The following IFRD1 variants were observed in gnomAD, a reference collection of about 807,000 sequenced individuals.
The protein encoded by IFRD1 is interferon-related developmental regulator 1.
IFRD1 carries 35 observed loss-of-function variants against 52.9 expected under a neutral mutation model. That is an observed-to-expected ratio of 0.66 (90% CI 0.51 to 0.88). IFRD1 has a LOEUF of 0.88. Ranked by LOEUF, IFRD1 falls within the 40% of genes least tolerant of loss-of-function variation. The probability of loss-of-function intolerance (pLI) is 0.00; values close to 1 mark genes in which losing one functional copy is unlikely to be tolerated. For missense variants in IFRD1, 517 were observed against 550.8 expected, an observed-to-expected ratio of 0.94 and a Z score of 0.61; for synonymous variants, 184 against 188.4, an observed-to-expected ratio of 0.98 and a Z score of 0.19.
chr7:112,435,621 GGTGTGTGTGTGTGTGT>G, intron 1 of IFRD1: 1 of 108,838 alleles, frequency 9.2e-6, no homozygotes, highest in East Asian at 2.9e-4. Flanking sequence ...ATCTGCTACA[GGTGTGTGTGTGTGTGT>G]GTGTGTGTGT....
rs764321257 is a variant in IFRD1, at chr7:112,462,318, G to A, written c.846G>A (p.Met282Ile). Residue 282 changes from methionine (M) to isoleucine (I), a missense_variant, in exon 8 of 12, where the codon ATG becomes ATA. Physicochemically the swap from Met to Ile is conservative, Grantham distance 10. Coordinates refer to ENST00000403825, the MANE Select transcript of IFRD1 (RefSeq NM_001550.4). ...PSLLSCDDVNMRIAAGESLAL... is the reference protein window; with the variant it reads ...PSLLSCDDVNIRIAAGESLAL... The stretch of plus-strand genomic sequence containing the variant: ...TCCTCTCTTGTGATGATGTAAACAT[G>A]AGAATAGCTGCTGGTGAATCTTTGG... 6 of 1,613,794 alleles carry A rather than the reference G, an allele frequency of 3.7e-6. No homozygotes were observed. Among genetic ancestry groups the A allele is most frequent in the Non-Finnish European group, 4.2e-6 (5 of 1,179,802 alleles).
intron 1 of IFRD1, among the ~76,000 whole-genome samples, chr7:112,428,334 G>A (rs1426429779): frequency 6.6e-6 from 1 of 152,186 alleles, no homozygotes; most frequent in Non-Finnish European, 1.5e-5. Context: ...CCCATAGATA[G>A]AGTATTCTGA....
At chr7:112,467,818 G>A in intron 8 of IFRD1, 163 bp from the exon 9 acceptor site, 1 of 692,612 alleles carries the variant, frequency 1.4e-6, no homozygotes, top group South Asian at 1.7e-5. Context: ...ATTTTTGCAT[G>A]AAAACATGTG....
At chr7:112,432,533 A>T (rs764590540) in intron 1 of IFRD1, among the ~76,000 whole-genome samples, 6 of 152,238 alleles carry the variant, frequency 3.9e-5, no homozygotes, top group Non-Finnish European at 7.3e-5. Context: ...ATCTTTTACA[A>T]CTTGGCTCAT....
intron 5 of IFRD1, among the ~76,000 whole-genome samples, chr7:112,459,359 C>T (rs1795374950): frequency 6.6e-6 from 1 of 152,160 alleles, no homozygotes; most frequent in South Asian, 2.1e-4. Context: ...CCTCTTGCAA[C>T]ACTTGACTTT....
At chr7:112,464,312 G>T (rs1269736909) in intron 8 of IFRD1, among the ~76,000 whole-genome samples, 2 of 152,066 alleles carry the variant, frequency 1.3e-5, no homozygotes, top group Non-Finnish European at 2.9e-5. Flanking sequence ...GGATTTTAAT[G>T]AATGAGTTGG....
intron 1 of IFRD1, among the ~76,000 whole-genome samples, chr7:112,443,063 G>C (rs746860157): frequency 7.9e-5 from 12 of 152,112 alleles, no homozygotes; most frequent in Non-Finnish European, 8.8e-5. Context: ...TGAAACCAAG[G>C]CATGGAAGAG....
At chr7:112,466,038 G>C (rs1795600627) in intron 8 of IFRD1, among the ~76,000 whole-genome samples, 1 of 151,958 alleles carries the variant, frequency 6.6e-6, no homozygotes, top group African/African-American at 2.4e-5. Context: ...TTCTGATCTA[G>C]GACTTTTGAC....
chr7:112,450,842 G>C lies in IFRD1; in HGVS notation c.94+60G>C, dbSNP rs141852718. 4.6e-5 allele frequency: 54 copies of C among 1,162,668 alleles called. No homozygotes were observed. In the East Asian group the frequency reaches 1.2e-3, roughly 25 times the overall value. 72.0% of individuals were successfully genotyped at this position (1,162,668 alleles called of 1,614,324 possible). The stretch of plus-strand genomic sequence containing the variant: ...CCGGCCAGGCTGGCGAGTCTTCCAT[G>C]CTTCGGCACGGTGGGAGTTGTAGTT... On this transcript the variant is annotated intron_variant, in intron 1 of 11. Coordinates refer to ENST00000403825, the MANE Select transcript of IFRD1 (RefSeq NM_001550.4).
chr7:112,427,023 G>A (rs1794443312), intron 1 of IFRD1, among the ~76,000 whole-genome samples: 1 of 152,092 alleles, frequency 6.6e-6, no homozygotes, highest in African/African-American at 2.4e-5. Flanking sequence ...CAATCACTTT[G>A]GGCACATGTC....
chr7:112,437,626 A>G (rs1002766362), intron 1 of IFRD1, among the ~76,000 whole-genome samples: 4 of 151,678 alleles, frequency 2.6e-5, no homozygotes, highest in African/African-American at 9.7e-5. Flanking sequence ...TGTACCTTTT[A>G]ATCACTAAGG....
chr7:112,466,443 G>T (rs1795610110), intron 8 of IFRD1, among the ~76,000 whole-genome samples: 1 of 152,072 alleles, frequency 6.6e-6, no homozygotes, highest in Non-Finnish European at 1.5e-5. Flanking sequence ...TTTTGGGCTG[G>T]ATTATATTTT....
intron 2 of IFRD1, 60 bp from the exon 3 acceptor site, chr7:112,455,942 A>G (rs1249773370): frequency 1.4e-6 from 2 of 1,433,812 alleles, no homozygotes; most frequent in East Asian, 2.3e-5. Context: ...GCTAAAGTAT[A>G]CTATTATTCC....
chr7:112,446,325 A>C, upstream of IFRD1: 1 of 214,712 alleles, frequency 4.7e-6, no homozygotes, highest in Admixed American at 4.3e-5. Flanking sequence ...ATTTCAGGAC[A>C]GCCAGCTTCA....
In IFRD1 at chr7:112,456,872, C is replaced by T. The variant is rs746476935; in HGVS notation, c.285-42C>T. On this transcript the variant is annotated intron_variant, in intron 3 of 11. Transcript: ENST00000403825. ...ATTTTAAAAAGTTATTTATTGTATA[C>T]TCCAACTGGATCTTCTTTCTCTTAC... 1.3e-5 allele frequency: 20 copies of T among 1,599,182 alleles called. No individual in the cohort carries two copies. The African/African-American group carries it at 2.4e-4, about 19-fold the overall frequency.
Position 112,456,989 on chromosome 7 carries a change from G to A in IFRD1, c.360G>A (p.Leu120=). ...CAAAAATGCTGTATGAATTTATTCT[G>A]GAAAGGAGAATGACTTTAACTGATA... ...LASKMLYEFI[L]ERRMTLTDSI... is the part of the protein sequence containing the mutation. Residue 120 remains leucine, a synonymous_variant, in exon 4 of 12, where the codon CTG becomes CTA. Transcript: ENST00000403825. 4 of 1,613,832 alleles carry A rather than the reference G, an allele frequency of 2.5e-6. No individual in the cohort carries two copies. Among genetic ancestry groups the A allele is most frequent in the Non-Finnish European group, 3.4e-6 (4 of 1,179,788 alleles).
intron 1 of IFRD1, among the ~76,000 whole-genome samples, chr7:112,453,483 G>A (rs890479977): frequency 6.6e-6 from 1 of 151,944 alleles, no homozygotes; most frequent in Admixed American, 6.6e-5. Flanking sequence ...TCGAATCTTA[G>A]AAATCATTAA....
intron 1 of IFRD1, among the ~76,000 whole-genome samples, chr7:112,452,945 T>C (rs1428323050): frequency 6.6e-6 from 1 of 152,216 alleles, no homozygotes; most frequent in Non-Finnish European, 1.5e-5. Flanking sequence ...GGGAAAGGTA[T>C]GGGGGTGAGA....
chr7:112,457,377 A>G (rs1795322795), intron 4 of IFRD1: 1 of 404,310 alleles, frequency 2.5e-6, no homozygotes, highest in Non-Finnish European at 4.4e-6. Context: ...TTGCACTTAT[A>G]TAAAACATTG....
Sources: gnomAD v4.1 joint callset for allele counts (sites outside exome capture counted in the v4.1 genomes callset) on GRCh38, gnomAD v4.1.1 for gene constraint, MANE v1.5 for transcripts, NCBI Gene and HGNC (gene_info 2026-07-23, HGNC 2026-07-21) for gene names.